Variants in CNTNAP2 observed in about 807,000 individuals in gnomAD.
CNTNAP2 encodes contactin-associated protein-like 2.
A neutral mutation model predicts 155.2 loss-of-function variants in CNTNAP2; 98 were observed. The observed-to-expected ratio is 0.63, with a 90% confidence interval of 0.54 to 0.75. The LOEUF is 0.75. Ranked by LOEUF, CNTNAP2 falls within the 30% of genes least tolerant of loss-of-function variation. The pLI, the probability that CNTNAP2 is intolerant of heterozygous loss-of-function variation, is 0.00. For synonymous variants in CNTNAP2, 651 were observed against 631.2 expected (o/e 1.03, Z -0.47); for missense variants, 1,727 against 1,688.1 (o/e 1.02, Z -0.40).
intron 11 of CNTNAP2, among the ~76,000 whole-genome samples, chr7:147,558,061 A>G (rs2116778509): frequency 6.6e-6 from 1 of 152,318 alleles, no homozygotes; most frequent in South Asian, 2.1e-4. Context: ...ATATTTTTAA[A>G]TGTATTTTAA....
intron 1 of CNTNAP2, among the ~76,000 whole-genome samples, chr7:146,483,042 C>T (rs910045683): frequency 9.3e-5 from 14 of 150,894 alleles, no homozygotes; most frequent in East Asian, 2.0e-4. Flanking sequence ...TTTGGGAGGC[C>T]GAGGCAGGCG....
intron 2 of CNTNAP2, among the ~76,000 whole-genome samples, chr7:146,838,117 G>T (rs756472694): frequency 6.6e-6 from 1 of 152,110 alleles, no homozygotes; most frequent in African/African-American, 2.4e-5. Context: ...GCTTTGAATT[G>T]TAATATGTTT....
chr7:147,697,106 C>T (rs1227351152), intron 13 of CNTNAP2, among the ~76,000 whole-genome samples: 4 of 152,234 alleles, frequency 2.6e-5, no homozygotes, highest in Admixed American at 6.5e-5. Flanking sequence ...TCTGTTATCA[C>T]GTCCTCACAC....
At chr7:146,660,038 A>G (rs1800060417) in intron 1 of CNTNAP2, among the ~76,000 whole-genome samples, 1 of 152,228 alleles carries the variant, frequency 6.6e-6, no homozygotes, top group South Asian at 2.1e-4. Flanking sequence ...AGTGACTAAG[A>G]AGTCATCCCT....
intron 1 of CNTNAP2, among the ~76,000 whole-genome samples, chr7:146,681,158 A>G (rs778727124): frequency 6.6e-6 from 1 of 151,552 alleles, no homozygotes; most frequent in Non-Finnish European, 1.5e-5. Context: ...TCACAGAAAA[A>G]ATGATTGTTT....
intron 1 of CNTNAP2, among the ~76,000 whole-genome samples, chr7:146,204,854 G>T (rs1798921951): frequency 6.6e-6 from 1 of 151,894 alleles, no homozygotes; most frequent in Admixed American, 6.6e-5. Flanking sequence ...CAATGGGACA[G>T]GCAATGTAAG....
chr7:147,380,352 C>T (rs772675058), intron 9 of CNTNAP2, among the ~76,000 whole-genome samples: 16 of 151,980 alleles, frequency 1.1e-4, no homozygotes, highest in African/African-American at 3.4e-4. Context: ...TCTAGCATCA[C>T]GCTTCATCAA....
intron 8 of CNTNAP2, among the ~76,000 whole-genome samples, chr7:147,195,455 GTGAAGAATGTCAC>G (rs1361403999): frequency 6.6e-6 from 1 of 151,828 alleles, no homozygotes; most frequent in African/African-American, 2.4e-5. Context: ...TTCTAATTCT[GTGAAGAATGTCAC>G]TAGTAGTTTC....
At chr7:147,732,704 T>A (rs1444275292) in intron 13 of CNTNAP2, among the ~76,000 whole-genome samples, 6 of 152,198 alleles carry the variant, frequency 3.9e-5, no homozygotes, top group Admixed American at 3.9e-4. Flanking sequence ...ACCTGCTGTT[T>A]CCTGACTTTT....
chr7:146,151,709 T>C lies in CNTNAP2; in HGVS notation c.97+34736T>C, dbSNP rs1270213803. ...ATATATATATATATGTATATATATATATATGTATATATATATATGCGCAAT... is the reference window on the plus strand; with the variant it reads ...ATATATATATATATGTATATATATACATATGTATATATATATATGCGCAAT... On this transcript the variant is annotated intron_variant, in intron 1 of 23. Transcript: ENST00000361727. 4.1e-5 allele frequency among the ~76,000 whole-genome samples: 4 copies of C among 98,536 alleles called. 1 individual carries two copies. Among genetic ancestry groups the C allele is most frequent in the African/African-American group, 8.9e-5 (2 of 22,354 alleles). The allele number at this position is 98,536 out of a possible 152,430, so 64.6% of individuals were successfully genotyped here.
chr7:146,444,143 C>A (rs1796367457), intron 1 of CNTNAP2, among the ~76,000 whole-genome samples: 1 of 152,122 alleles, frequency 6.6e-6, no homozygotes, highest in African/African-American at 2.4e-5. Flanking sequence ...AGCAATTCTT[C>A]TGTCTCAGCC....
Position 146,338,005 on chromosome 7 carries a change from A to T in CNTNAP2, c.97+221032A>T, listed in dbSNP as rs551476374. On this transcript the variant is annotated intron_variant, in intron 1 of 23. Coordinates refer to ENST00000361727, the MANE Select transcript of CNTNAP2 (RefSeq NM_014141.6). ...TTCCAGGTAACATTTATTCTGAAGGATTTGCTTTCCTATCACTGCAAAGAT... is the reference window on the plus strand; with the variant it reads ...TTCCAGGTAACATTTATTCTGAAGGTTTTGCTTTCCTATCACTGCAAAGAT... Among the ~76,000 whole-genome samples the T allele has an allele frequency of 3.3e-5, 5 of 152,140 alleles. No homozygotes were observed. The South Asian group carries it at 6.2e-4, about 19-fold the overall frequency.
At position 147,830,205 on chromosome 7, in the gene CNTNAP2, C is replaced by G. The variant is rs139671239; in HGVS notation, c.2099-73360C>G. 1.8e-3 allele frequency among the ~76,000 whole-genome samples: 275 copies of G among 150,234 alleles called. 2 individuals are homozygous for G. Among genetic ancestry groups the G allele is most frequent in the Admixed American group, 7.2e-3 (108 of 15,010 alleles). ...CATAAACTAGGTGGCTTATAAACAA[C>G]AGGAATTCATTTCTCACGGCTCTGG... On this transcript the variant is annotated intron_variant, in intron 13 of 23. Coordinates refer to ENST00000361727, the MANE Select transcript of CNTNAP2 (RefSeq NM_014141.6).
intron 9 of CNTNAP2, among the ~76,000 whole-genome samples, chr7:147,304,673 A>G (rs1386120049): frequency 6.6e-6 from 1 of 152,172 alleles, no homozygotes; most frequent in Non-Finnish European, 1.5e-5. Flanking sequence ...AAAAGAAAGC[A>G]GTGGAGCTGG....
At chr7:148,192,429 A>C (rs571772519) in intron 18 of CNTNAP2, among the ~76,000 whole-genome samples, 2 of 152,306 alleles carry the variant, frequency 1.3e-5, no homozygotes, top group Admixed American at 6.5e-5. Context: ...CTTAAATACC[A>C]CATTAAAATG....
chr7:148,361,664 C>G (rs1798622838), intron 21 of CNTNAP2, among the ~76,000 whole-genome samples: 1 of 152,140 alleles, frequency 6.6e-6, no homozygotes, highest in Non-Finnish European at 1.5e-5. Context: ...TAGGGCTTAC[C>G]TTAACTAAAG....
Position 146,652,326 on chromosome 7 carries a change from T to A in CNTNAP2, c.98-121945T>A, listed in dbSNP as rs543877735. 1.2e-4 allele frequency among the ~76,000 whole-genome samples: 18 copies of A among 152,256 alleles called. No homozygotes were observed. The South Asian group carries it at 3.7e-3, about 32-fold the overall frequency. On this transcript the variant is annotated intron_variant, in intron 1 of 23. Coordinates refer to ENST00000361727, the MANE Select transcript of CNTNAP2 (RefSeq NM_014141.6). ...TCAAGGACATGGGGCTTTTGGGAAA[T>A]AGACCTACGACTGTTGGTTCTCTGA...
chr7:147,255,967 C>T (rs6952036), intron 8 of CNTNAP2, among the ~76,000 whole-genome samples: 18,133 of 152,112 alleles, frequency 0.12, 1,170 homozygotes, highest in Non-Finnish European at 0.15. Flanking sequence ...TCTCGAACTC[C>T]TCACCTCAAG....
At chr7:147,928,157 G>A (rs192745689) in intron 14 of CNTNAP2, among the ~76,000 whole-genome samples, 12 of 152,152 alleles carry the variant, frequency 7.9e-5, no homozygotes, top group East Asian at 1.9e-4. Flanking sequence ...ACCTTCCACC[G>A]TGATTGTGAG....
Sources: gnomAD v4.1 joint callset for allele counts (sites outside exome capture counted in the v4.1 genomes callset) on GRCh38, gnomAD v4.1.1 for gene constraint, MANE v1.5 for transcripts, NCBI Gene and HGNC (gene_info 2026-07-23, HGNC 2026-07-21) for gene names.